The following THOC2 variants were observed in gnomAD, a reference collection of about 807,000 sequenced individuals.
The protein encoded by THOC2 is THO complex 2.
Under a neutral mutation model 128.4 loss-of-function variants are expected in THOC2, and 10 were observed. The ratio of observed to expected loss-of-function variants is 0.08; its 90% CI spans 0.05 to 0.13. THOC2 has a LOEUF of 0.13. Ranked by LOEUF, THOC2 falls within the 10% of genes least tolerant of loss-of-function variation. The probability of loss-of-function intolerance (pLI) is 1.00; values close to 1 mark genes in which losing one functional copy is unlikely to be tolerated. For missense variants in THOC2, 535 were observed against 1,155.7 expected (o/e 0.46, Z 7.79); for synonymous variants, 393 against 396.9 (o/e 0.99, Z 0.12).
At chrX:123,673,877 C>A in intron 8 of THOC2, among the ~76,000 whole-genome samples, 1 of 111,552 alleles carries the variant, frequency 9.0e-6, no homozygotes, top group Non-Finnish European at 1.9e-5. Context: ...ACTATTCTCC[C>A]TCTATCCACC....
At chrX:123,729,706 A>T (rs187699194) in intron 1 of THOC2, among the ~76,000 whole-genome samples, 63 of 112,904 alleles carry the variant, frequency 5.6e-4, no homozygotes, top group Non-Finnish European at 9.9e-4. Context: ...CTAAACGCCA[A>T]ATCTATAGCT....
intron 5 of THOC2, among the ~76,000 whole-genome samples, chrX:123,697,102 G>T (rs777200815): frequency 8.9e-6 from 1 of 111,966 alleles, no homozygotes; most frequent in South Asian, 3.7e-4. Flanking sequence ...AAGAACTACA[G>T]ATGAAATTTT....
chrX:123,639,599 T>G (rs1312455026), intron 16 of THOC2, among the ~76,000 whole-genome samples: 1 of 111,344 alleles, frequency 9.0e-6, no homozygotes, highest in Non-Finnish European at 1.9e-5. Context: ...TTTTGTATCC[T>G]GAAACTTTAC....
At chrX:123,639,282 T>TA (rs1280605233) in intron 16 of THOC2, among the ~76,000 whole-genome samples, 1 of 111,762 alleles carries the variant, frequency 8.9e-6, no homozygotes, top group Non-Finnish European at 1.9e-5. Context: ...TCCAATTCTA[T>TA]AAAAAATGAC....
chrX:123,717,901 G>T (rs1289723705), intron 1 of THOC2, among the ~76,000 whole-genome samples: 1 of 112,332 alleles, frequency 8.9e-6, no homozygotes, highest in East Asian at 2.8e-4. Context: ...GCGTCCGCAG[G>T]TTCCGCATCT....
At chrX:123,721,135 T>C (rs1242089136) in intron 1 of THOC2, among the ~76,000 whole-genome samples, 1 of 107,322 alleles carries the variant, frequency 9.3e-6, no homozygotes, top group African/African-American at 3.3e-5. Context: ...CCTAAGAACA[T>C]GTTGTTTTGG....
At chrX:123,716,719 A>G (rs1603339240) in intron 1 of THOC2, among the ~76,000 whole-genome samples, 1 of 91,253 alleles carries the variant, frequency 1.1e-5, no homozygotes, top group African/African-American at 4.3e-5. Context: ...ACAGAGCGAG[A>G]CTCTGTCTCA....
chrX:123,638,769 T>TACACACACAC (rs745502483), intron 17 of THOC2, among the ~76,000 whole-genome samples, 165 bp downstream of exon 17: 1 of 93,581 alleles, frequency 1.1e-5, no homozygotes, highest in African/African-American at 3.9e-5. Flanking sequence ...CTCTCTCACA[T>TACACACACAC]ACACACACAC....
At chrX:123,623,310 A>G (rs2047151827) in intron 28 of THOC2, 27 bp from the exon 29 acceptor site, 3 of 1,127,717 alleles carry the variant, frequency 2.7e-6, no homozygotes, top group Non-Finnish European at 3.5e-6. Context: ...GTGTTTAAAT[A>G]TACAAACACA....
intron 9 of THOC2, among the ~76,000 whole-genome samples, chrX:123,671,093 A>G (rs1458826399): frequency 2.7e-5 from 3 of 111,951 alleles, no homozygotes; most frequent in Non-Finnish European, 5.6e-5. Flanking sequence ...ACTAGAGGTC[A>G]TCTGCCACAA....
At chrX:123,678,202 T>C (rs2049589229) in intron 8 of THOC2, among the ~76,000 whole-genome samples, 1 of 110,807 alleles carries the variant, frequency 9.0e-6, no homozygotes, top group African/African-American at 3.3e-5. Flanking sequence ...AAGCAGACAA[T>C]GCGCCATGTA....
At chrX:123,625,258 AT>A (rs1359314321) in intron 25 of THOC2, among the ~76,000 whole-genome samples, 5 of 108,948 alleles carry the variant, frequency 4.6e-5, no homozygotes, top group South Asian at 4.0e-4. Context: ...CACCCGGCTA[AT>A]TTTTTTGTAT....
chrX:123,637,338 T>C (rs1276162260), intron 18 of THOC2, among the ~76,000 whole-genome samples: 2 of 111,854 alleles, frequency 1.8e-5, no homozygotes, highest in African/African-American at 6.5e-5. Context: ...AAAAGAAATA[T>C]GGTTAGTTTT....
chrX:123,638,606 C>A (rs2047764334), intron 17 of THOC2, among the ~76,000 whole-genome samples: 1 of 110,344 alleles, frequency 9.1e-6, no homozygotes, highest in Non-Finnish European at 1.9e-5. Flanking sequence ...TTGCAATGAG[C>A]CGAGACAGTG....
intron 19 of THOC2, among the ~76,000 whole-genome samples, chrX:123,634,710 T>G (rs2147651603): frequency 9.0e-6 from 1 of 111,674 alleles, no homozygotes; most frequent in African/African-American, 3.2e-5. Flanking sequence ...ATAATCCATT[T>G]ACTAAACAGG....
intron 12 of THOC2, among the ~76,000 whole-genome samples, chrX:123,657,799 G>A (rs2048661227): frequency 9.0e-6 from 1 of 111,507 alleles, no homozygotes; most frequent in South Asian, 3.7e-4. Flanking sequence ...AAAGAATATA[G>A]GTCAGAAACT....
chrX:123,721,090 T>G (rs2147981606), intron 1 of THOC2, among the ~76,000 whole-genome samples: 1 of 111,695 alleles, frequency 9.0e-6, no homozygotes, highest in South Asian at 3.8e-4. Flanking sequence ...GTAAAAAAGT[T>G]ACTTAAAAAT....
At chrX:123,725,686 G>A (rs2051938922) in intron 1 of THOC2, among the ~76,000 whole-genome samples, 3 of 102,633 alleles carry the variant, frequency 2.9e-5, no homozygotes, top group African/African-American at 1.1e-4. Context: ...CCTAACATAA[G>A]TTTATCTGGA....
chrX:123,614,362 C>T (rs1335501666), intron 33 of THOC2, among the ~76,000 whole-genome samples, 173 bp from the exon 34 acceptor site: 1 of 110,867 alleles, frequency 9.0e-6, no homozygotes, highest in Non-Finnish European at 1.9e-5. Context: ...ACAAAGGCTT[C>T]AATTCTTGGC....
Sources: gnomAD v4.1 joint callset for allele counts (sites outside exome capture counted in the v4.1 genomes callset) on GRCh38, gnomAD v4.1.1 for gene constraint, MANE v1.5 for transcripts, NCBI Gene and HGNC (gene_info 2026-07-23, HGNC 2026-07-21) for gene names.